DACH2: variants seen among roughly 807,000 people sequenced by gnomAD.
DACH2 encodes dachshund homolog 2.
In DACH2, 17 loss-of-function variants were observed where a neutral mutation model predicts 35.8. The observed-to-expected ratio is 0.48, with a 90% confidence interval of 0.33 to 0.71. The LOEUF is 0.71. Among genes scored for constraint, DACH2 ranks in the 30% least tolerant of loss-of-function variants. The pLI is 0.02. For missense variants in DACH2, 469 were observed against 472.7 expected (o/e 0.99, Z 0.07); for synonymous variants, 195 against 177.3 (o/e 1.10, Z -0.79).
intron 1 of DACH2, among the ~76,000 whole-genome samples, chrX:86,264,657 A>T (rs2033680726): frequency 9.0e-6 from 1 of 111,696 alleles, no homozygotes. Context: ...GTTGTCTTAC[A>T]ATTGAACCAA....
chrX:86,481,965 A>G (rs2037943275), intron 2 of DACH2, among the ~76,000 whole-genome samples: 1 of 112,206 alleles, frequency 8.9e-6, no homozygotes, highest in Admixed American at 9.5e-5. Flanking sequence ...AATACACTCA[A>G]TCATTGATGC....
intron 1 of DACH2, among the ~76,000 whole-genome samples, chrX:86,223,644 G>A (rs541149473): frequency 4.9e-4 from 55 of 111,810 alleles, no homozygotes; most frequent in African/African-American, 1.8e-3. Context: ...ACCAGAAAAC[G>A]GAATTGGAAG....
intron 7 of DACH2, among the ~76,000 whole-genome samples, chrX:86,801,455 G>T (rs1006095928): frequency 1.8e-5 from 2 of 111,701 alleles, no homozygotes; most frequent in Non-Finnish European, 3.8e-5. Context: ...GTGATTGTGG[G>T]TATGTGCACA....
At chrX:86,366,614 A>T (rs1428202500) in intron 1 of DACH2, among the ~76,000 whole-genome samples, 1 of 110,854 alleles carries the variant, frequency 9.0e-6, no homozygotes, top group East Asian at 2.9e-4. Context: ...CATATGATAC[A>T]GTTTGGATGT....
intron 2 of DACH2, among the ~76,000 whole-genome samples, chrX:86,408,573 G>C (rs1245262970): frequency 8.9e-6 from 1 of 112,048 alleles, no homozygotes; most frequent in East Asian, 2.8e-4. Context: ...CTAAAATTAT[G>C]ATAGTTGCTT....
chrX:86,681,961 A>T (rs1327124267), intron 4 of DACH2, among the ~76,000 whole-genome samples: 2 of 110,711 alleles, frequency 1.8e-5, no homozygotes, highest in Non-Finnish European at 3.8e-5. Context: ...GATGCTTTGC[A>T]GCCTTACCCT....
At chrX:86,627,943 C>T (rs1178529212) in intron 3 of DACH2, among the ~76,000 whole-genome samples, 2 of 112,367 alleles carry the variant, frequency 1.8e-5, no homozygotes, top group Admixed American at 1.9e-4. Flanking sequence ...GCACTTCTCA[C>T]TTTTGTTGTT....
At chrX:86,276,807 G>A (rs966574382) in intron 1 of DACH2, among the ~76,000 whole-genome samples, 1 of 111,858 alleles carries the variant, frequency 8.9e-6, no homozygotes, top group Non-Finnish European at 1.9e-5. Flanking sequence ...AGCGTATGTT[G>A]TTGGTACCTT....
At chrX:86,255,267 G>A (rs2033495338) in intron 1 of DACH2, among the ~76,000 whole-genome samples, 1 of 111,557 alleles carries the variant, frequency 9.0e-6, no homozygotes, top group Admixed American at 9.6e-5. Flanking sequence ...TTAAACAGGA[G>A]GCGAAGAAAA....
intron 1 of DACH2, among the ~76,000 whole-genome samples, chrX:86,276,473 C>T (rs1476955750): frequency 1.8e-5 from 2 of 111,349 alleles, no homozygotes; most frequent in Non-Finnish European, 3.8e-5. Flanking sequence ...TTCTCTCATT[C>T]TGTGAGTAGT....
chrX:86,325,469 G>C (rs2035097355), intron 1 of DACH2, among the ~76,000 whole-genome samples: 1 of 111,951 alleles, frequency 8.9e-6, no homozygotes, highest in Non-Finnish European at 1.9e-5. Context: ...ATTCATATTG[G>C]GGGCTCAACT....
intron 1 of DACH2, among the ~76,000 whole-genome samples, chrX:86,296,485 A>G (rs1353708602): frequency 9.0e-6 from 1 of 110,964 alleles, no homozygotes; most frequent in East Asian, 2.8e-4. Flanking sequence ...ATATAAGTCA[A>G]CTTTAATCTT....
At chrX:86,573,199 C>A (rs12396216) in intron 3 of DACH2, among the ~76,000 whole-genome samples, 45,627 of 108,599 alleles carry the variant, frequency 0.42, 9,166 homozygotes, top group African/African-American at 0.78. Context: ...GAAAAGAAGG[C>A]AAGAAATAAG....
chrX:86,602,521 G>T (rs1602689382), intron 3 of DACH2, among the ~76,000 whole-genome samples: 1 of 112,180 alleles, frequency 8.9e-6, no homozygotes, highest in East Asian at 2.8e-4. Flanking sequence ...GGTAATATCA[G>T]TTTTGTTGGA....
At chrX:86,355,791 G>A (rs1004479730) in intron 1 of DACH2, among the ~76,000 whole-genome samples, 1 of 111,746 alleles carries the variant, frequency 8.9e-6, no homozygotes, top group Non-Finnish European at 1.9e-5. Flanking sequence ...GTGATGTTAA[G>A]TATTTTTTCA....
At chrX:86,776,380 C>T (rs1479195106) in intron 7 of DACH2, among the ~76,000 whole-genome samples, 1 of 111,341 alleles carries the variant, frequency 9.0e-6, no homozygotes, top group Non-Finnish European at 1.9e-5. Context: ...AAAGGCCCCA[C>T]CTCCAAATAA....
chrX:86,405,057 A>G (rs2036504373), intron 2 of DACH2, among the ~76,000 whole-genome samples: 1 of 111,448 alleles, frequency 9.0e-6, no homozygotes, highest in African/African-American at 3.3e-5. Context: ...CCAAGGCTGC[A>G]CATGGCAGGG....
chrX:86,610,995 T>C (rs2039936889), intron 3 of DACH2, among the ~76,000 whole-genome samples: 1 of 110,631 alleles, frequency 9.0e-6, no homozygotes, highest in East Asian at 2.9e-4. Flanking sequence ...TCTCTCAGTG[T>C]AGTCACCACA....
intron 4 of DACH2, among the ~76,000 whole-genome samples, chrX:86,668,238 G>A (rs1440251087): frequency 8.9e-6 from 1 of 111,912 alleles, no homozygotes; most frequent in Admixed American, 9.5e-5. Context: ...AGAACATAAC[G>A]AGATACCTCC....
Sources: allele counts gnomAD v4.1 joint callset (sites outside exome capture counted in the v4.1 genomes callset), GRCh38; gene constraint gnomAD v4.1.1; transcripts MANE v1.5; gene names NCBI Gene and HGNC (gene_info 2026-07-23, HGNC 2026-07-21).